The following CNTN6 variants were observed in gnomAD, a reference collection of about 807,000 sequenced individuals.
CNTN6 encodes contactin-6.
In CNTN6, 137 loss-of-function variants were observed where a neutral mutation model predicts 122.8. The ratio of observed to expected loss-of-function variants is 1.12; its 90% CI spans 0.97 to 1.29. The LOEUF is 1.29. Among genes scored for constraint, CNTN6 ranks in the 50% most tolerant of loss-of-function variants. The pLI is 0.00. For missense variants in CNTN6, 1,634 were observed against 1,223.4 expected (o/e 1.34, Z -5.01); for synonymous variants, 570 against 426.0 (o/e 1.34, Z -4.16).
chr3:1,152,196 T>A (rs1490296669), intron 2 of CNTN6, among the ~76,000 whole-genome samples: 2 of 151,996 alleles, frequency 1.3e-5, no homozygotes, highest in Non-Finnish European at 2.9e-5. Context: ...TGGAGTGCAG[T>A]GGCGTGATAT....
intron 7 of CNTN6, among the ~76,000 whole-genome samples, chr3:1,303,616 G>T (rs115448607): frequency 0.033 from 5,036 of 151,966 alleles, 141 homozygotes; most frequent in South Asian, 0.058. Context: ...ATAAGTCCTC[G>T]CTTGCTAATT....
intron 1 of CNTN6, among the ~76,000 whole-genome samples, chr3:1,140,560 C>G (rs548538637): frequency 6.6e-6 from 1 of 152,230 alleles, no homozygotes; most frequent in East Asian, 1.9e-4. Flanking sequence ...TTGTGAAATT[C>G]ACTGAAAGTA....
chr3:1,329,360 C>T (rs938419662), intron 10 of CNTN6, among the ~76,000 whole-genome samples: 2 of 151,604 alleles, frequency 1.3e-5, no homozygotes, highest in African/African-American at 2.4e-5. Context: ...TCTTCGGCCT[C>T]TTTTGAAACC....
chr3:1,268,543 C>T (rs964697584), intron 4 of CNTN6, among the ~76,000 whole-genome samples: 1 of 143,116 alleles, frequency 7.0e-6, no homozygotes, highest in Non-Finnish European at 1.5e-5. Flanking sequence ...GGAGGAGGAG[C>T]TTGCAGTGAG....
intron 4 of CNTN6, among the ~76,000 whole-genome samples, chr3:1,245,239 C>CAT (rs1559596120): frequency 2.1e-4 from 2 of 9,354 alleles, no homozygotes; most frequent in African/African-American, 1.5e-3. Context: ...TATATATACA[C>CAT]ACACACATAT....
chr3:1,097,475 AC>A (rs1179987203), intron 1 of CNTN6, among the ~76,000 whole-genome samples: 1 of 152,236 alleles, frequency 6.6e-6, no homozygotes, highest in Non-Finnish European at 1.5e-5. Context: ...ATTATAAAAA[AC>A]GAATGATCTT....
chr3:1,282,891 A>T (rs1483083952), intron 5 of CNTN6, among the ~76,000 whole-genome samples: 3 of 152,238 alleles, frequency 2.0e-5, no homozygotes. Flanking sequence ...TAGTTGGCCA[A>T]ACAAAAATAT....
At chr3:1,136,949 A>AAG (rs1208039240) in intron 1 of CNTN6, among the ~76,000 whole-genome samples, 1 of 152,212 alleles carries the variant, frequency 6.6e-6, no homozygotes, top group Non-Finnish European at 1.5e-5. Context: ...GAAATGAGGC[A>AAG]GTGCATGTAA....
chr3:1,131,093 G>A (rs970998589), intron 1 of CNTN6, among the ~76,000 whole-genome samples: 1 of 152,084 alleles, frequency 6.6e-6, no homozygotes, highest in African/African-American at 2.4e-5. Context: ...TGCTGCTAAG[G>A]TCTGCTCTGA....
intron 2 of CNTN6, among the ~76,000 whole-genome samples, chr3:1,171,647 G>T (rs894058908): frequency 1.3e-5 from 2 of 152,048 alleles, no homozygotes; most frequent in African/African-American, 4.8e-5. Context: ...TCACTCTGTT[G>T]CCCAGGCTGG....
rs970694939 is a variant in CNTN6 at position 1,372,912 on chromosome 3, A to G, written c.1743A>G (p.Thr581=). The change falls in exon 14 of 23, where the codon ACA becomes ACG. Residue 581 remains threonine, a synonymous_variant. Transcript: ENST00000446702. ...GAAAATATCTCTGCACAGTACAAAC[A>G]ACCCTAGAAAGTTTATCTGCAGTAG... is the stretch of plus-strand genomic sequence containing the variant. The part of the protein sequence containing the change: ...HSGKYLCTVQ[T]TLESLSAVAD... 5 of 1,608,668 alleles carry G rather than the reference A, an allele frequency of 3.1e-6. No individual in the cohort carries two copies. The highest frequency in any genetic ancestry group is 4.2e-6 in the Non-Finnish European group (5 of 1,176,686).
Position 1,314,226 on chromosome 3 carries a change from A to T in CNTN6, c.762-7424A>T, listed in dbSNP as rs534977565. On this transcript the variant is annotated intron_variant, in intron 7 of 22. Transcript: ENST00000446702. ...CTTACATTCCAAGCTCTTTGTATGA[A>T]TATTTCAAATTGGGGAAATGAAAGC... Among the ~76,000 whole-genome samples, 4 of 152,134 alleles carry T rather than the reference A, an allele frequency of 2.6e-5. No individual in the cohort carries two copies. The South Asian group carries it at 8.3e-4, about 32-fold the overall frequency.
intron 2 of CNTN6, among the ~76,000 whole-genome samples, chr3:1,171,059 C>G (rs577620638): frequency 6.6e-6 from 1 of 152,152 alleles, no homozygotes; most frequent in Non-Finnish European, 1.5e-5. Flanking sequence ...ATGGCCAATG[C>G]CATTGGCAAC....
chr3:1,245,319 T>TATATATA lies in CNTN6; in HGVS notation c.358+17327_358+17333dup, dbSNP rs2094566758. ...ACATATATATATATATATATATATA[T>TATATATA]ATATATATATATATATAGCATGGAA... is the stretch of plus-strand genomic sequence containing the variant. On this transcript the variant is annotated intron_variant, in intron 4 of 22. Transcript: ENST00000446702. Among the ~76,000 whole-genome samples, 9 of 27,698 alleles carry TATATATA rather than the reference T, an allele frequency of 3.2e-4. 1 individual carries two copies. The South Asian group carries it at 9.3e-3, about 29-fold the overall frequency. The allele number at this position is 27,698 out of a possible 152,430, so 18.2% of individuals were successfully genotyped here.
chr3:1,352,438 C>T lies in CNTN6; in HGVS notation c.1479C>T (p.Ser493=). The T allele has an allele frequency of 6.2e-7, 1 of 1,609,502 alleles. No homozygotes were observed. Among genetic ancestry groups the T allele is most frequent in the South Asian group, 1.1e-5 (1 of 90,926 alleles). ...TTGGCACTGCAAAGAACACTGGCAG[C>T]CTCATTGTAAAAGGTATCATATTAT... is the stretch of plus-strand genomic sequence containing the variant. ...NQFGTAKNTG[S]LIVKERTVIT... is the part of the protein sequence containing the mutation. The change falls in exon 12 of 23, where the codon AGC becomes AGT. Residue 493 remains serine, a synonymous_variant. Transcript: ENST00000446702.
At chr3:1,307,477 C>CCACA (rs1553674327) in intron 7 of CNTN6, among the ~76,000 whole-genome samples, 131 of 151,782 alleles carry the variant, frequency 8.6e-4, no homozygotes, top group South Asian at 5.0e-3. Flanking sequence ...TATAACCCCC[C>CCACA]CACACACAAT....
intron 7 of CNTN6, among the ~76,000 whole-genome samples, chr3:1,309,205 A>C (rs1330161936): frequency 2.0e-5 from 3 of 152,146 alleles, no homozygotes; most frequent in Non-Finnish European, 4.4e-5. Flanking sequence ...AAAACTCATC[A>C]CTATATCCAA....
intron 2 of CNTN6, among the ~76,000 whole-genome samples, chr3:1,202,234 T>C (rs74916752): frequency 0.024 from 3,703 of 152,342 alleles, 160 homozygotes; most frequent in African/African-American, 0.085. Flanking sequence ...AAAAGCTTCA[T>C]GCATACTCAG....
At chr3:1,349,823 T>C (rs1362591262) in intron 11 of CNTN6, among the ~76,000 whole-genome samples, 1 of 151,834 alleles carries the variant, frequency 6.6e-6, no homozygotes, top group Non-Finnish European at 1.5e-5. Flanking sequence ...TTTTTTACCA[T>C]ATTTTAATAT....
Sources: gnomAD v4.1 joint callset for allele counts (sites outside exome capture counted in the v4.1 genomes callset) on GRCh38, gnomAD v4.1.1 for gene constraint, MANE v1.5 for transcripts, NCBI Gene and HGNC (gene_info 2026-07-23, HGNC 2026-07-21) for gene names.